LARGE1: variants seen among roughly 807,000 people sequenced by gnomAD.
LARGE1 encodes xylosyl- and glucuronyltransferase LARGE1.
Under a neutral mutation model 87.6 loss-of-function variants are expected in LARGE1, and 43 were observed. The observed-to-expected ratio is 0.49, with a 90% confidence interval of 0.38 to 0.63. LARGE1 has a LOEUF of 0.63. Ranked by LOEUF, LARGE1 falls within the 30% of genes least tolerant of loss-of-function variation. LARGE1 has a pLI of 0.00. For synonymous variants in LARGE1, 434 were observed against 394.6 expected, an observed-to-expected ratio of 1.10 and a Z score of -1.18; for missense variants, 802 against 1,000.2, an observed-to-expected ratio of 0.80 and a Z score of 2.67.
At chr22:33,574,752 C>T (rs988999947) in intron 5 of LARGE1, among the ~76,000 whole-genome samples, 3 of 147,124 alleles carry the variant, frequency 2.0e-5, no homozygotes, top group Non-Finnish European at 4.5e-5. Context: ...TAACTATAGT[C>T]TGATACACTT....
At chr22:33,223,390 C>A (rs920740133) in intron 11 of LARGE1, among the ~76,000 whole-genome samples, 6 of 152,120 alleles carry the variant, frequency 3.9e-5, no homozygotes, top group Non-Finnish European at 1.5e-5. Context: ...CTATAGGCAC[C>A]TTTTCTTCAA....
chr22:33,635,625 C>T (rs1330552176), intron 3 of LARGE1, among the ~76,000 whole-genome samples: 2 of 152,098 alleles, frequency 1.3e-5, no homozygotes, highest in Non-Finnish European at 2.9e-5. Flanking sequence ...AGGTGAGACA[C>T]AGAGTGGTTA....
At chr22:33,856,834 G>A (rs2063769012) in intron 1 of LARGE1, 1 of 152,310 alleles carries the variant, frequency 6.6e-6, no homozygotes, top group East Asian at 1.9e-4. Context: ...TTTAAGGTTA[G>A]TTGTCAGATG....
intron 7 of LARGE1, among the ~76,000 whole-genome samples, chr22:33,425,028 T>C (rs2413184): frequency 0.69 from 104,326 of 151,672 alleles, 37,348 homozygotes; most frequent in African/African-American, 0.88. Context: ...CTTTGGGAGG[T>C]GGAAACGGGT....
intron 4 of LARGE1, among the ~76,000 whole-genome samples, chr22:33,619,825 A>G (rs898561121): frequency 6.6e-6 from 1 of 152,224 alleles, no homozygotes; most frequent in South Asian, 2.1e-4. Flanking sequence ...ACAGACCCTG[A>G]TACAGAGCAA....
chr22:33,284,465 G>A (rs1030195761), intron 12 of LARGE1, among the ~76,000 whole-genome samples: 1 of 152,104 alleles, frequency 6.6e-6, no homozygotes, highest in Non-Finnish European at 1.5e-5. Flanking sequence ...TCCGAGACCC[G>A]ATCCTGCACG....
At chr22:33,665,235 C>T (rs5754632) in intron 2 of LARGE1, among the ~76,000 whole-genome samples, 7,671 of 152,282 alleles carry the variant, frequency 0.05, 300 homozygotes, top group East Asian at 0.17. Flanking sequence ...CTCCACTCCA[C>T]AAATCACAAC....
At position 33,490,931 on chromosome 22, in the gene LARGE1, T is replaced by C. The variant is rs117889183; in HGVS notation, c.788-58666A>G. Among the ~76,000 whole-genome samples the C allele has an allele frequency of 1.9e-3, 296 of 152,286 alleles. 2 individuals carry two copies. Among genetic ancestry groups the C allele is most frequent in the Middle Eastern group, 6.8e-3 (2 of 294 alleles). ...TGGGTACTCTTCTCTCTTACTCCTG[T>C]TTTTCTCTTTATTGTTGCCTACATG... On this transcript the variant is annotated intron_variant, in intron 6 of 14. Coordinates refer to ENST00000397394, the MANE Select transcript of LARGE1 (RefSeq NM_133642.5).
At chr22:33,774,717 T>G (rs1266799874) in intron 1 of LARGE1, among the ~76,000 whole-genome samples, 1 of 152,348 alleles carries the variant, frequency 6.6e-6, no homozygotes, top group East Asian at 1.9e-4. Context: ...CATGTTAACA[T>G]GTAATCAATA....
chr22:33,502,504 T>C (rs570361894), intron 6 of LARGE1, among the ~76,000 whole-genome samples: 1 of 152,230 alleles, frequency 6.6e-6, no homozygotes, highest in Non-Finnish European at 1.5e-5. Context: ...GAGGCCTGCC[T>C]TTCTCCAGCC....
At chr22:33,532,062 G>T (rs1036831523) in intron 6 of LARGE1, among the ~76,000 whole-genome samples, 2 of 152,198 alleles carry the variant, frequency 1.3e-5, no homozygotes, top group Non-Finnish European at 2.9e-5. Flanking sequence ...ACTCTGATGT[G>T]CCTAGCACAG....
intron 6 of LARGE1, among the ~76,000 whole-genome samples, chr22:33,495,122 C>A (rs1428577225): frequency 9.3e-5 from 14 of 150,206 alleles, no homozygotes; most frequent in Admixed American, 8.0e-4. Flanking sequence ...ACCCCCCGGA[C>A]ACACAGAGGC....
intron 10 of LARGE1, among the ~76,000 whole-genome samples, chr22:33,318,924 C>T (rs778608872): frequency 3.9e-4 from 59 of 152,042 alleles, no homozygotes; most frequent in Non-Finnish European, 7.4e-4. Context: ...TTTTTTAAAT[C>T]ACCAAATCAA....
At chr22:33,111,652 A>G in the LARGE1 span, among the ~76,000 whole-genome samples, 2 of 152,218 alleles carry the variant, frequency 1.3e-5, no homozygotes, top group Admixed American at 1.3e-4. Flanking sequence ...AGGAAAGATC[A>G]CAGTGTCGAG....
intron 2 of LARGE1, among the ~76,000 whole-genome samples, chr22:33,712,641 T>A (rs1404557237): frequency 4.0e-5 from 2 of 50,284 alleles, no homozygotes; most frequent in Non-Finnish European, 7.5e-5. Flanking sequence ...GGGTACAGTG[T>A]GTGTGTGTGT....
intron 6 of LARGE1, among the ~76,000 whole-genome samples, chr22:33,504,569 A>C (rs919397302): frequency 6.6e-6 from 1 of 152,190 alleles, no homozygotes; most frequent in Non-Finnish European, 1.5e-5. Context: ...TCTTTTTTAA[A>C]AAGGATATTG....
At chr22:33,507,961 C>T (rs557857285) in intron 6 of LARGE1, among the ~76,000 whole-genome samples, 31 of 152,282 alleles carry the variant, frequency 2.0e-4, no homozygotes, top group African/African-American at 7.5e-4. Flanking sequence ...TTCCTACCTC[C>T]TCCTTGCGTT....
At chr22:33,889,812 C>T (rs1238012938) in intron 1 of LARGE1, among the ~76,000 whole-genome samples, 1 of 152,230 alleles carries the variant, frequency 6.6e-6, no homozygotes, top group Non-Finnish European at 1.5e-5. Context: ...TCATTCATAA[C>T]TTTCTGAGTG....
At chr22:33,079,488 A>C in the LARGE1 span, among the ~76,000 whole-genome samples, 1 of 151,764 alleles carries the variant, frequency 6.6e-6, no homozygotes, top group Non-Finnish European at 1.5e-5. Flanking sequence ...TGGCCTCCCA[A>C]AGTTCTGGGA....
Sources: gnomAD v4.1 joint callset for allele counts (sites outside exome capture counted in the v4.1 genomes callset) on GRCh38, gnomAD v4.1.1 for gene constraint, MANE v1.5 for transcripts, NCBI Gene and HGNC (gene_info 2026-07-23, HGNC 2026-07-21) for gene names.